Variants in INTS9 observed in about 807,000 individuals in gnomAD.
The protein encoded by INTS9 is protein related to CPSF subunits of 74 kDa.
In INTS9, 55 loss-of-function variants were observed where a neutral mutation model predicts 79.7. That is an observed-to-expected ratio of 0.69 (90% CI 0.56 to 0.86). INTS9 has a LOEUF of 0.86. INTS9 is among the 40% of genes least tolerant of loss of function. INTS9 has a pLI of 0.00. For synonymous variants in INTS9, 319 were observed against 325.2 expected (o/e 0.98, Z 0.20); for missense variants, 721 against 831.5 (o/e 0.87, Z 1.64).
chr8:28,816,458 C>A (rs141517716), intron 6 of INTS9, among the ~76,000 whole-genome samples: 2 of 151,488 alleles, frequency 1.3e-5, no homozygotes, highest in Non-Finnish European at 1.5e-5. Context: ...CCAATTTCGT[C>A]CATGTCCCTA....
chr8:28,820,245 C>A (rs1805750420), intron 6 of INTS9, among the ~76,000 whole-genome samples: 1 of 152,162 alleles, frequency 6.6e-6, no homozygotes, highest in Non-Finnish European at 1.5e-5. Flanking sequence ...TTCTTCCTAG[C>A]CTTGATGGTC....
chr8:28,791,866 GAC>G (rs1359722113), intron 10 of INTS9, among the ~76,000 whole-genome samples: 1 of 152,190 alleles, frequency 6.6e-6, no homozygotes, highest in East Asian at 1.9e-4. Context: ...TTAAAAGACA[GAC>G]ACACATCCCA....
intron 2 of INTS9, among the ~76,000 whole-genome samples, chr8:28,857,891 C>T (rs1224135147): frequency 1.3e-5 from 2 of 152,162 alleles, no homozygotes; most frequent in African/African-American, 4.8e-5. Context: ...TTTAGGCAAC[C>T]GTGTCCTGGT....
chr8:28,818,222 C>G lies in INTS9; in HGVS notation c.489-4610G>C, dbSNP rs1291490265. Among the ~76,000 whole-genome samples the G allele has an allele frequency of 2.3e-3, 320 of 141,950 alleles. 1 individual carries two copies. Among genetic ancestry groups the G allele is most frequent in the Admixed American group, 3.1e-3 (43 of 13,982 alleles). 93.1% of individuals were successfully genotyped at this position (141,950 alleles called of 152,430 possible). A position where few individuals can be genotyped will look rare whatever the true frequency, so the allele number is the denominator to read the frequency against. On this transcript the variant is annotated intron_variant, in intron 6 of 16. Transcript: ENST00000521022. Reference sequence around the variant, plus strand: ...GAGTGGTGAGAGAGGGCATCCCTGTCTTGTGCCAGTTTTCAAAGGGAATGC... The same window carrying G: ...GAGTGGTGAGAGAGGGCATCCCTGTGTTGTGCCAGTTTTCAAAGGGAATGC...
rs372696023 is a variant in INTS9, at chr8:28,793,919, G to A, written c.925C>T (p.Leu309=). The part of the protein sequence containing the change: ...CYPSGVIYDL[L]ECLYQYIDSA... ...TCGATGTACTGATATAGGCACTCCA[G>A]GAGGTCATAGATCACTCCAGAAGGG... The change falls in exon 10 of 17, where the codon CTG becomes TTG. Residue 309 remains leucine (L), a synonymous_variant. Coordinates refer to ENST00000521022, the MANE Select transcript of INTS9 (RefSeq NM_018250.4). 6.2e-7 allele frequency: 1 copy of A among 1,614,076 alleles called. No individual in the cohort carries two copies. The highest frequency in any genetic ancestry group is 8.5e-7 in the Non-Finnish European group (1 of 1,179,964).
chr8:28,889,697 G>GA, intron 1 of INTS9, 177 bp downstream of exon 1: 1 of 622,790 alleles, frequency 1.6e-6, no homozygotes, highest in Non-Finnish European at 2.8e-6. Context: ...TGGGGTGGGG[G>GA]AGAGGGAATT....
chr8:28,772,963 T>TG (rs1443970946), intron 14 of INTS9, among the ~76,000 whole-genome samples: 2 of 152,222 alleles, frequency 1.3e-5, no homozygotes, highest in East Asian at 3.8e-4. Context: ...AGCTCTGCTG[T>TG]GGGAGTATAA....
intron 1 of INTS9, among the ~76,000 whole-genome samples, chr8:28,889,562 G>GA (rs1810477694): frequency 6.6e-6 from 1 of 152,142 alleles, no homozygotes; most frequent in African/African-American, 2.4e-5. Context: ...CCTCACGTGG[G>GA]AACCAGGACG....
intron 1 of INTS9, among the ~76,000 whole-genome samples, chr8:28,882,259 T>G (rs1205602773): frequency 2.2e-5 from 3 of 133,358 alleles, no homozygotes; most frequent in African/African-American, 5.3e-5. Context: ...GAAGGCAGCA[T>G]GCTCGTTAAG....
intron 6 of INTS9, among the ~76,000 whole-genome samples, chr8:28,818,893 G>T (rs1393767412): frequency 4.6e-5 from 7 of 151,928 alleles, no homozygotes; most frequent in Non-Finnish European, 1.0e-4. Flanking sequence ...GGGTGTATGT[G>T]TCGAGGAATT....
At chr8:28,877,959 A>G (rs1225046882) in intron 1 of INTS9, among the ~76,000 whole-genome samples, 2 of 152,226 alleles carry the variant, frequency 1.3e-5, no homozygotes, top group Admixed American at 6.5e-5. Flanking sequence ...TGAAAGCAGT[A>G]TTGAAAATAT....
At chr8:28,805,355 A>G (rs1341631635) in intron 8 of INTS9, among the ~76,000 whole-genome samples, 1 of 152,122 alleles carries the variant, frequency 6.6e-6, no homozygotes, top group African/African-American at 2.4e-5. Flanking sequence ...TAAATGTGAG[A>G]AAAAAATTAA....
At chr8:28,854,706 A>G (rs1284480731) in intron 2 of INTS9, among the ~76,000 whole-genome samples, 1 of 152,202 alleles carries the variant, frequency 6.6e-6, no homozygotes, top group Non-Finnish European at 1.5e-5. Context: ...GGCAAGGCAC[A>G]CAAATCCAGT....
chr8:28,840,665 C>A (rs199999780), intron 4 of INTS9, among the ~76,000 whole-genome samples: 2,526 of 147,488 alleles, frequency 0.017, 61 homozygotes, highest in East Asian at 0.08. Flanking sequence ...AATTGGAAAT[C>A]ATCATTCTCA....
intron 1 of INTS9, among the ~76,000 whole-genome samples, chr8:28,882,786 C>G (rs1809967112): frequency 1.3e-5 from 2 of 152,132 alleles, no homozygotes; most frequent in Non-Finnish European, 2.9e-5. Flanking sequence ...TTTGAGAGAG[C>G]TAAAAGTTCA....
intron 1 of INTS9, among the ~76,000 whole-genome samples, chr8:28,860,197 G>A (rs1808377789): frequency 1.3e-5 from 2 of 152,102 alleles, no homozygotes; most frequent in Non-Finnish European, 2.9e-5. Flanking sequence ...GAAGTCAAAG[G>A]GGCACAAGCC....
At chr8:28,878,457 T>A (rs1809509769) in intron 1 of INTS9, among the ~76,000 whole-genome samples, 2 of 151,110 alleles carry the variant, frequency 1.3e-5, no homozygotes, top group African/African-American at 2.4e-5. Flanking sequence ...GGACTACAGG[T>A]GTGTGCCACC....
intron 1 of INTS9, among the ~76,000 whole-genome samples, chr8:28,882,577 T>G (rs1809953840): frequency 1.0e-5 from 1 of 96,290 alleles, no homozygotes; most frequent in African/African-American, 4.0e-5. Context: ...GTAGACATAA[T>G]GTATTTAGAA....
Position 28,875,415 on chromosome 8 carries a change from T to C in INTS9, c.9+14459A>G, listed in dbSNP as rs1044877661. 3.3e-5 allele frequency among the ~76,000 whole-genome samples: 5 copies of C among 152,340 alleles called. No homozygotes were observed. The South Asian group carries it at 6.2e-4, about 19-fold the overall frequency. The stretch of plus-strand genomic sequence containing the variant: ...TAACACTCCTTCTTGAAAATACTTA[T>C]CAAAGTACTTTTCAAGGTCAGTTCA... On this transcript the variant is annotated intron_variant, in intron 1 of 16. Coordinates refer to ENST00000521022, the MANE Select transcript of INTS9 (RefSeq NM_018250.4).
Sources: allele counts gnomAD v4.1 joint callset (sites outside exome capture counted in the v4.1 genomes callset), GRCh38; gene constraint gnomAD v4.1.1; transcripts MANE v1.5; gene names NCBI Gene and HGNC (gene_info 2026-07-23, HGNC 2026-07-21).